Variants in IFT56 observed in about 807,000 individuals in gnomAD.
IFT56 encodes the protein intraflagellar transport 56, also known as intraflagellar transport protein 56.
chr7:139,177,242 A>G, the IFT56 span, among the ~76,000 whole-genome samples: 2 of 151,110 alleles, frequency 1.3e-5, no homozygotes, highest in Non-Finnish European at 3.0e-5. Context: ...GTGTGTGTAT[A>G]TATATATATT....
the IFT56 span, chr7:139,179,490 C>T: frequency 2.7e-6 from 3 of 1,102,258 alleles, no homozygotes; most frequent in Non-Finnish European, 4.2e-6. Flanking sequence ...CTACAGTGAT[C>T]ATCAATCTAA....
chr7:139,139,550 C>T, the IFT56 span, among the ~76,000 whole-genome samples: 2 of 151,962 alleles, frequency 1.3e-5, no homozygotes, highest in African/African-American at 4.8e-5. Flanking sequence ...GTTAACTGAA[C>T]GTGTGAATTT....
the IFT56 span, chr7:139,146,982 AG>A: frequency 1.3e-6 from 2 of 1,523,384 alleles, no homozygotes; most frequent in South Asian, 2.4e-5. Flanking sequence ...GTTTCTTTGC[AG>A]GAGAAATGAA....
the IFT56 span, among the ~76,000 whole-genome samples, chr7:139,137,530 T>G: frequency 2.0e-5 from 3 of 152,246 alleles, no homozygotes; most frequent in Non-Finnish European, 4.4e-5. Context: ...CTCTCTAACC[T>G]TCAGTTATTT....
At chr7:139,144,669 T>C in the IFT56 span, among the ~76,000 whole-genome samples, 3 of 152,136 alleles carry the variant, frequency 2.0e-5, no homozygotes, top group Non-Finnish European at 4.4e-5. Context: ...TTTCTGTATA[T>C]TTCCACAGAA....
the IFT56 span, among the ~76,000 whole-genome samples, chr7:139,149,412 C>G: frequency 6.6e-6 from 1 of 151,760 alleles, no homozygotes; most frequent in Non-Finnish European, 1.5e-5. Flanking sequence ...TTTTATCTAT[C>G]CCTTCTTCTC....
the IFT56 span, among the ~76,000 whole-genome samples, chr7:139,149,985 G>A: frequency 6.6e-6 from 1 of 152,040 alleles, no homozygotes; most frequent in South Asian, 2.1e-4. Flanking sequence ...ATACAAATAT[G>A]TGGGTATAAA....
chr7:139,191,059 G>A, the IFT56 span: 1 of 152,182 alleles, frequency 6.6e-6, no homozygotes, highest in African/African-American at 2.4e-5. Context: ...AGAGATCGAT[G>A]ACTGAAGATC....
At chr7:139,186,809 T>C in the IFT56 span, among the ~76,000 whole-genome samples, 2 of 152,130 alleles carry the variant, frequency 1.3e-5, no homozygotes, top group Non-Finnish European at 2.9e-5. Flanking sequence ...AAAGTGCTGA[T>C]TGTGGCCGGG....
chr7:139,153,207 T>C, the IFT56 span, among the ~76,000 whole-genome samples: 38,254 of 150,710 alleles, frequency 0.25, 8,905 homozygotes, highest in African/African-American at 0.59. Context: ...AATCCCAACA[T>C]TTTAGAAGTC....
chr7:139,156,319 G>C, the IFT56 span, among the ~76,000 whole-genome samples: 1 of 150,600 alleles, frequency 6.6e-6, no homozygotes, highest in African/African-American at 2.4e-5. Flanking sequence ...CCATTCTCTT[G>C]TCTGTTTAAT....
the IFT56 span, among the ~76,000 whole-genome samples, chr7:139,138,846 T>C: frequency 8.0e-5 from 12 of 150,842 alleles, no homozygotes; most frequent in Non-Finnish European, 1.2e-4. Flanking sequence ...AGTCTTGCTC[T>C]GTCACCCAGG....
the IFT56 span, among the ~76,000 whole-genome samples, chr7:139,165,488 T>G: frequency 6.6e-6 from 1 of 152,140 alleles, no homozygotes; most frequent in African/African-American, 2.4e-5. Flanking sequence ...TTATTCTCTA[T>G]CCATTCTTTC....
the IFT56 span, among the ~76,000 whole-genome samples, chr7:139,170,631 G>A: frequency 9.9e-5 from 15 of 152,248 alleles, no homozygotes; most frequent in Admixed American, 2.0e-4. Flanking sequence ...TGCTGGAAAA[G>A]CATTTGATTA....
the IFT56 span, chr7:139,189,677 C>G: frequency 3.5e-6 from 1 of 287,824 alleles, no homozygotes; most frequent in Non-Finnish European, 6.5e-6. Flanking sequence ...TGCCTTTCTT[C>G]CAAAAATGCT....
the IFT56 span, among the ~76,000 whole-genome samples, chr7:139,180,086 C>T: frequency 2.0e-5 from 3 of 152,162 alleles, no homozygotes; most frequent in African/African-American, 7.2e-5. Context: ...GCCTGTAATC[C>T]CAGCACTTTG....
the IFT56 span, among the ~76,000 whole-genome samples, chr7:139,150,760 A>T: frequency 5.9e-5 from 9 of 152,350 alleles, no homozygotes; most frequent in African/African-American, 2.2e-4. Context: ...GCTTTTCTAA[A>T]GTAAACAGGA....
At chr7:139,168,472 A>G in the IFT56 span, 3 of 1,114,682 alleles carry the variant, frequency 2.7e-6, no homozygotes, top group Non-Finnish European at 4.1e-6. Context: ...TGACTATCAA[A>G]GTGCAAGCAG....
chr7:139,184,330 G>C, the IFT56 span, among the ~76,000 whole-genome samples: 2 of 152,172 alleles, frequency 1.3e-5, no homozygotes, highest in Non-Finnish European at 2.9e-5. Flanking sequence ...ACTTTGGTTG[G>C]GAGTCCCTGT....
Sources: gnomAD v4.1 joint callset for allele counts (sites outside exome capture counted in the v4.1 genomes callset) on GRCh38, gnomAD v4.1.1 for gene constraint, MANE v1.5 for transcripts, NCBI Gene and HGNC (gene_info 2026-07-23, HGNC 2026-07-21) for gene names.